The following FBXL4 variants were observed in gnomAD, a reference collection of about 807,000 sequenced individuals.
FBXL4 encodes F-box and leucine rich repeat protein 4.
A neutral mutation model predicts 58.9 loss-of-function variants in FBXL4; 40 were observed. The ratio of observed to expected loss-of-function variants is 0.68; its 90% CI spans 0.53 to 0.88. The LOEUF (loss-of-function observed/expected upper bound fraction) is 0.88. Among genes scored for constraint, FBXL4 ranks in the 40% least tolerant of loss-of-function variants. FBXL4 has a pLI of 0.00. For missense variants in FBXL4, 676 were observed against 734.4 expected, an observed-to-expected ratio of 0.92 and a Z score of 0.92; for synonymous variants, 263 against 265.5, an observed-to-expected ratio of 0.99 and a Z score of 0.09.
chr6:98,917,417 C>G lies in FBXL4; in HGVS notation c.815G>C (p.Gly272Ala). The change falls in exon 5 of 10, where the codon GGG becomes GCG. Residue 272 changes from glycine to alanine, a missense_variant. Physicochemically the swap from Gly to Ala is moderately conservative, Grantham distance 60 (BLOSUM62 0). Coordinates refer to ENST00000369244, the MANE Select transcript of FBXL4 (RefSeq NM_001278716.2). ...LNKKFSSAVLGEGPNNGYFDK... is the reference protein window; with the variant it reads ...LNKKFSSAVLAEGPNNGYFDK... ...AAAATACCCATTATTTGGCCCTTCC[C>G]CGAGGACAGCACTGCTAAACTTTTT... The G allele has an allele frequency of 6.2e-7, 1 of 1,612,808 alleles. No individual in the cohort carries two copies. The highest frequency in any genetic ancestry group is 8.5e-7 in the Non-Finnish European group (1 of 1,179,416).
intron 5 of FBXL4, among the ~76,000 whole-genome samples, chr6:98,915,515 A>G (rs369271505): frequency 1.4e-4 from 21 of 150,510 alleles, no homozygotes; most frequent in African/African-American, 2.9e-4. Context: ...AAATAACGCC[A>G]CATATCTACA....
Position 98,899,373 on chromosome 6 carries a change from C to CT in FBXL4, c.1211dup (p.Ala405GlyfsTer8), listed in dbSNP as rs1771520086. 1 of 1,613,826 alleles carries CT rather than the reference C, an allele frequency of 6.2e-7. No individual in the cohort carries two copies. The highest frequency in any genetic ancestry group is 1.7e-5 in the Admixed American group (1 of 59,928). On this transcript the variant is annotated frameshift_variant, in exon 7 of 10. Transcript: ENST00000369244. LOFTEE classifies it high-confidence loss of function. The stretch of plus-strand genomic sequence containing the variant: ...TATCACAGGAGGAGAGATTTAAGGC[C>CT]TGTAGATTTGGACACATCTCAGAAA...
In FBXL4 at chr6:98,874,271, T is replaced by C. The variant is rs1293440464; in HGVS notation, c.*7A>G. On this transcript the variant is annotated 3_prime_UTR_variant, in exon 10 of 10. Transcript: ENST00000369244. ...CACATTAATTTTAATACAGAACATATATTAAGTCACTGAGTAAAGCTCTTT... is the reference window on the plus strand; with the variant it reads ...CACATTAATTTTAATACAGAACATACATTAAGTCACTGAGTAAAGCTCTTT... The C allele has an allele frequency of 1.9e-6, 3 of 1,574,084 alleles. No homozygotes were observed. Among genetic ancestry groups the C allele is most frequent in the Non-Finnish European group, 2.6e-6 (3 of 1,166,830 alleles).
rs1017735082 is a variant in FBXL4, at chr6:98,928,628, C to T, written c.-190-806G>A. Among the ~76,000 whole-genome samples the T allele has an allele frequency of 5.9e-5, 9 of 152,278 alleles. No homozygotes were observed. In the East Asian group the frequency reaches 7.7e-4, roughly 13 times the overall value. ...TACAGGTGTAAGCCACCACGCCCTG[C>T]CCCAACTTTTCTTTAATAGAGCAAT... is the stretch of plus-strand genomic sequence containing the variant. On this transcript the variant is annotated intron_variant, in intron 2 of 9. Transcript: ENST00000369244.
intron 1 of FBXL4, among the ~76,000 whole-genome samples, chr6:98,946,252 T>G (rs528271599): frequency 9.9e-5 from 15 of 152,234 alleles, no homozygotes; most frequent in South Asian, 6.2e-4. Context: ...ATAGGACTGA[T>G]CAGCAGGGAA....
chr6:98,916,690 G>C (rs967800659), intron 5 of FBXL4, among the ~76,000 whole-genome samples: 5 of 151,824 alleles, frequency 3.3e-5, no homozygotes, highest in African/African-American at 1.2e-4. Context: ...AGTGGGGAGG[G>C]ATAGCATTAG....
intron 5 of FBXL4, among the ~76,000 whole-genome samples, chr6:98,912,070 T>C (rs964604830): frequency 6.6e-6 from 1 of 152,054 alleles, no homozygotes; most frequent in South Asian, 2.1e-4. Context: ...GGAAGAAAGG[T>C]TATCAGTGAT....
At chr6:98,945,273 A>G (rs1040147859) in intron 1 of FBXL4, among the ~76,000 whole-genome samples, 1 of 152,198 alleles carries the variant, frequency 6.6e-6, no homozygotes, top group Admixed American at 6.5e-5. Flanking sequence ...CTGGCTAAAT[A>G]ACTTTTGGGT....
chr6:98,917,855 G>A, intron 4 of FBXL4, 136 bp from the exon 5 acceptor site: 2 of 607,294 alleles, frequency 3.3e-6, no homozygotes, highest in Non-Finnish European at 5.3e-6. Context: ...TATAAGTATT[G>A]TTCCCAAGAT....
At position 98,887,444 on chromosome 6, in the gene FBXL4, G is replaced by A. The variant is rs181244640; in HGVS notation, c.1318-6820C>T. ...CAGCATATCCTCCTAACTCACTTTT[G>A]AACTGAAGTCTAATTATATATGTCT... On this transcript the variant is annotated intron_variant, in intron 7 of 9. Coordinates refer to ENST00000369244, the MANE Select transcript of FBXL4 (RefSeq NM_001278716.2). 2.9e-3 allele frequency among the ~76,000 whole-genome samples: 439 copies of A among 152,206 alleles called. 2 individuals are homozygous for A. The highest frequency in any genetic ancestry group is 4.5e-3 in the Admixed American group (69 of 15,292).
rs1772749670 is a variant in FBXL4 at position 98,925,633 on chromosome 6, T to A, written c.512+844A>T. ...GGGGTTCATACACACTATGCATTAC[T>A]TGCAAATGCAGGAAAGAATGAGGAA... On this transcript the variant is annotated intron_variant, in intron 4 of 9. Transcript: ENST00000369244. Among the ~76,000 whole-genome samples, 9 of 152,226 alleles carry A rather than the reference T, an allele frequency of 5.9e-5. No individual in the cohort carries two copies. The South Asian group carries it at 1.9e-3, about 31-fold the overall frequency.
rs1482602353 is a variant in FBXL4 at position 98,926,993 on chromosome 6, A to G, written c.-5T>C. The G allele has an allele frequency of 1.2e-6, 2 of 1,610,582 alleles. No individual in the cohort carries two copies. Among genetic ancestry groups the G allele is most frequent in the Non-Finnish European group, 1.7e-6 (2 of 1,177,620 alleles). On this transcript the variant is annotated 5_prime_UTR_variant, in exon 4 of 10. Transcript: ENST00000369244. ...CATGGGAAAGACCGGTGACATCTAG[A>G]TGTGAATTATGAAGCTTCAAAAGGT... is the stretch of plus-strand genomic sequence containing the variant.
chr6:98,874,452 G>GAAACA lies in FBXL4; in HGVS notation c.1703-16_1703-12dup, dbSNP rs377666976. The GAAACA allele has an allele frequency of 6.6e-4, 1,055 of 1,594,858 alleles. 3 individuals are homozygous for GAAACA. The highest frequency in any genetic ancestry group is 2.0e-3 in the Middle Eastern group (12 of 5,996). ...TTACCATTCTTGTTCCTATTTAAGG[G>GAAACA]AAACAAAACAAAACAAAACAAAACA... On this transcript the variant is annotated splice_polypyrimidine_tract_variant and intron_variant, in intron 9 of 9. Coordinates refer to ENST00000369244, the MANE Select transcript of FBXL4 (RefSeq NM_001278716.2).
At chr6:98,880,015 T>C (rs1389840095) in intron 8 of FBXL4, among the ~76,000 whole-genome samples, 1 of 151,582 alleles carries the variant, frequency 6.6e-6, no homozygotes, top group East Asian at 1.9e-4. Flanking sequence ...CCTAGGCTTT[T>C]ATATTTCACA....
chr6:98,910,876 A>C (rs1187197808), intron 5 of FBXL4, among the ~76,000 whole-genome samples: 1 of 152,212 alleles, frequency 6.6e-6, no homozygotes, highest in Non-Finnish European at 1.5e-5. Flanking sequence ...AGGGCGAGGC[A>C]TTGCCTCACT....
At chr6:98,923,761 G>C (rs1247701778) in intron 4 of FBXL4, among the ~76,000 whole-genome samples, 5 of 152,040 alleles carry the variant, frequency 3.3e-5, no homozygotes, top group Non-Finnish European at 2.9e-5. Flanking sequence ...TTCAATAAAT[G>C]TTTCTGATTG....
intron 8 of FBXL4, among the ~76,000 whole-genome samples, chr6:98,878,193 G>A (rs1175505625): frequency 6.6e-6 from 1 of 152,216 alleles, no homozygotes; most frequent in South Asian, 2.1e-4. Context: ...TATGTATACT[G>A]TGAACAGTTG....
At chr6:98,898,006 G>A (rs1254319933) in intron 7 of FBXL4, among the ~76,000 whole-genome samples, 1 of 152,162 alleles carries the variant, frequency 6.6e-6, no homozygotes. Context: ...CCTAATGTGA[G>A]AAGACAGAAA....
At chr6:98,934,343 G>C (rs979566372) in intron 2 of FBXL4, among the ~76,000 whole-genome samples, 41 of 151,782 alleles carry the variant, frequency 2.7e-4, no homozygotes, top group African/African-American at 7.2e-4. Context: ...AGGTTGCAGT[G>C]AGCCAAGATC....
Sources: gnomAD v4.1 joint callset for allele counts (sites outside exome capture counted in the v4.1 genomes callset) on GRCh38, gnomAD v4.1.1 for gene constraint, MANE v1.5 for transcripts, NCBI Gene and HGNC (gene_info 2026-07-23, HGNC 2026-07-21) for gene names.